ACOXL: variants seen among roughly 807,000 people sequenced by gnomAD.
ACOXL encodes acyl-coenzyme A oxidase-like protein.
In ACOXL, 70 loss-of-function variants were observed where a neutral mutation model predicts 71.9. The ratio of observed to expected loss-of-function variants is 0.97; its 90% CI spans 0.80 to 1.19. The LOEUF is 1.19. ACOXL is among the 50% of genes most tolerant of loss of function. ACOXL has a pLI of 0.00. For missense variants in ACOXL, 703 were observed against 736.3 expected, an observed-to-expected ratio of 0.95 and a Z score of 0.52; for synonymous variants, 253 against 281.6, an observed-to-expected ratio of 0.90 and a Z score of 1.02.
chr2:110,907,972 G>A (rs1169085035), intron 10 of ACOXL, among the ~76,000 whole-genome samples: 1 of 152,214 alleles, frequency 6.6e-6, no homozygotes, highest in African/African-American at 2.4e-5. Context: ...GTGTGTGTGT[G>A]AGTGAAATGT....
chr2:110,847,737 C>T (rs1484093349), intron 10 of ACOXL, among the ~76,000 whole-genome samples: 1 of 152,242 alleles, frequency 6.6e-6, no homozygotes, highest in Non-Finnish European at 1.5e-5. Context: ...GAGGCCCTGG[C>T]ACCCCTCGAG....
chr2:111,043,603 G>C (rs2065884455), intron 15 of ACOXL, among the ~76,000 whole-genome samples: 1 of 152,162 alleles, frequency 6.6e-6, no homozygotes, highest in Non-Finnish European at 1.5e-5. Context: ...CCCTGGCCAG[G>C]AGCCTCAGAT....
intron 16 of ACOXL, among the ~76,000 whole-genome samples, chr2:111,068,649 A>G (rs185487124): frequency 1.3e-5 from 2 of 152,348 alleles, no homozygotes; most frequent in Admixed American, 1.3e-4. Context: ...GCTATGCTCA[A>G]CAGGTTTTTC....
intron 9 of ACOXL, among the ~76,000 whole-genome samples, chr2:110,817,732 AATTAACTTTT>A (rs1427203206): frequency 1.3e-5 from 2 of 152,140 alleles, no homozygotes; most frequent in African/African-American, 4.8e-5. Context: ...TGTTTTTCTA[AATTAACTTTT>A]ATCTGGCAAG....
intron 9 of ACOXL, among the ~76,000 whole-genome samples, chr2:110,830,638 A>G (rs1003159647): frequency 6.6e-6 from 1 of 151,650 alleles, no homozygotes; most frequent in African/African-American, 2.4e-5. Flanking sequence ...GGCTCATGCC[A>G]TTCTCCTGCC....
intron 11 of ACOXL, among the ~76,000 whole-genome samples, chr2:110,913,670 GA>G (rs2059730619): frequency 6.6e-6 from 1 of 152,168 alleles, no homozygotes; most frequent in Non-Finnish European, 1.5e-5. Context: ...AATTAATGAA[GA>G]AAAGAGGTTT....
intron 1 of ACOXL, among the ~76,000 whole-genome samples, chr2:110,760,913 T>C (rs1444770057): frequency 6.6e-6 from 1 of 152,176 alleles, no homozygotes; most frequent in Non-Finnish European, 1.5e-5. Flanking sequence ...TAGGTCCAGA[T>C]TTAAGGGGTA....
chr2:110,741,242 A>G (rs1204843330), intron 1 of ACOXL, among the ~76,000 whole-genome samples: 1 of 152,158 alleles, frequency 6.6e-6, no homozygotes. Context: ...GGTGGCTTAA[A>G]TAACAGAAAT....
In ACOXL at chr2:110,993,449, ATGT is replaced by A. The variant is rs1266512265; in HGVS notation, c.1170-2437_1170-2435del. Among the ~76,000 whole-genome samples the A allele has an allele frequency of 3.3e-5, 5 of 152,158 alleles. No homozygotes were observed. In the East Asian group the frequency reaches 9.6e-4, roughly 29 times the overall value. ...GCATAATACTTTTTGACATTCACCC[ATGT>A]TGTTGTGTGTATTAGTTTGTTTCTT... On this transcript the variant is annotated intron_variant, in intron 13 of 17. Transcript: ENST00000439055.
chr2:110,750,683 G>A (rs1033411307), intron 1 of ACOXL, among the ~76,000 whole-genome samples: 34 of 147,612 alleles, frequency 2.3e-4, no homozygotes, highest in African/African-American at 3.2e-4. Flanking sequence ...GTGTGTGTGT[G>A]TATATATATA....
intron 5 of ACOXL, among the ~76,000 whole-genome samples, chr2:110,795,373 T>C (rs1039942724): frequency 8.5e-5 from 13 of 152,178 alleles, no homozygotes; most frequent in African/African-American, 3.1e-4. Flanking sequence ...AGTACTACCC[T>C]ATACTGACCA....
At chr2:110,773,286 C>G (rs1682196135) in intron 2 of ACOXL, among the ~76,000 whole-genome samples, 1 of 152,168 alleles carries the variant, frequency 6.6e-6, no homozygotes, top group Non-Finnish European at 1.5e-5. Flanking sequence ...GAAGAATGTT[C>G]TAAGGTCAGC....
chr2:110,883,390 A>G (rs10197548), intron 10 of ACOXL, among the ~76,000 whole-genome samples: 49,290 of 152,004 alleles, frequency 0.32, 8,216 homozygotes, highest in Middle Eastern at 0.39. Flanking sequence ...GAATACAGGC[A>G]TGAGCCACTA....
chr2:111,084,152 C>T (rs1163973735), intron 16 of ACOXL, among the ~76,000 whole-genome samples: 1 of 151,890 alleles, frequency 6.6e-6, no homozygotes, highest in African/African-American at 2.4e-5. Flanking sequence ...GATGGCAAGA[C>T]CCCATCTCTC....
intron 5 of ACOXL, chr2:110,795,988 C>G (rs376340479): frequency 6.6e-6 from 1 of 151,964 alleles, no homozygotes; most frequent in Non-Finnish European, 1.5e-5. Flanking sequence ...GACGAGGGGC[C>G]TCTGGTGAAC....
chr2:110,738,772 C>G (rs1677172814), intron 1 of ACOXL, among the ~76,000 whole-genome samples: 2 of 152,120 alleles, frequency 1.3e-5, no homozygotes, highest in South Asian at 4.1e-4. Context: ...TCTGGAACTC[C>G]TTTTGCTCAG....
intron 13 of ACOXL, among the ~76,000 whole-genome samples, chr2:110,993,146 T>C (rs904231755): frequency 6.6e-6 from 1 of 152,226 alleles, no homozygotes; most frequent in African/African-American, 2.4e-5. Context: ...TTAGTTATAG[T>C]TCTTCTTATG....
chr2:110,968,029 TA>T, intron 12 of ACOXL: 1 of 1,068,918 alleles, frequency 9.4e-7, no homozygotes, highest in East Asian at 2.3e-5. Flanking sequence ...TCAGATTGCT[TA>T]TGCCCGTATA....
intron 11 of ACOXL, among the ~76,000 whole-genome samples, 167 bp from the exon 12 acceptor site, chr2:110,933,322 A>C (rs957098300): frequency 1.3e-5 from 2 of 152,166 alleles, no homozygotes; most frequent in African/African-American, 4.8e-5. Flanking sequence ...GTAGCGTTTT[A>C]ACTATGCCAC....
Sources: gnomAD v4.1 joint callset for allele counts (sites outside exome capture counted in the v4.1 genomes callset) on GRCh38, gnomAD v4.1.1 for gene constraint, MANE v1.5 for transcripts, NCBI Gene and HGNC (gene_info 2026-07-23, HGNC 2026-07-21) for gene names.